Variants in TCERG1L observed in about 807,000 individuals in gnomAD.
TCERG1L encodes transcription elongation regulator 1 like, also known as transcription elongation regulator 1-like protein.
A neutral mutation model predicts 56.3 loss-of-function variants in TCERG1L; 37 were observed. The ratio of observed to expected loss-of-function variants is 0.66; its 90% CI spans 0.51 to 0.87. TCERG1L has a LOEUF of 0.87. Ranked by LOEUF, TCERG1L falls within the 40% of genes least tolerant of loss-of-function variation. The pLI, the probability that TCERG1L is intolerant of heterozygous loss-of-function variation, is 0.00. For synonymous variants in TCERG1L, 324 were observed against 326.3 expected (o/e 0.99, Z 0.08); for missense variants, 799 against 774.2 (o/e 1.03, Z -0.38).
chr10:131,300,903 G>T (rs916756977), intron 3 of TCERG1L, among the ~76,000 whole-genome samples: 1 of 152,020 alleles, frequency 6.6e-6, no homozygotes. Context: ...GTGTATTCAG[G>T]GGGTGGACCT....
At chr10:131,162,370 G>C (rs1166759084) in intron 6 of TCERG1L, 2 of 152,266 alleles carry the variant, frequency 1.3e-5, no homozygotes, top group African/African-American at 4.8e-5. Context: ...TTGGAGCCAA[G>C]TTCACCCGAA....
intron 3 of TCERG1L, among the ~76,000 whole-genome samples, chr10:131,269,438 C>T (rs1383679683): frequency 1.3e-5 from 2 of 152,176 alleles, no homozygotes. Context: ...CTGCCCGTCT[C>T]AACCTCCCAA....
chr10:131,093,067 C>T lies in TCERG1L; in HGVS notation c.*95G>A, dbSNP rs551191079. On this transcript the variant is annotated 3_prime_UTR_variant, in exon 12 of 12. Transcript: ENST00000368642. ...GGTGCCCGCTGGGCCGTGCAGGTCT[C>T]GGCCGCCCCACGCCCGTGTCCGTCT... 147 of 1,419,682 alleles carry T rather than the reference C, an allele frequency of 1.0e-4. No homozygotes were observed. In the South Asian group the frequency reaches 1.4e-3, roughly 13 times the overall value. The allele number at this position is 1,419,682 out of a possible 1,614,324, so 87.9% of individuals were successfully genotyped here.
chr10:131,308,374 G>A lies in TCERG1L; in HGVS notation c.507C>T (p.Ser169=). Residue 169 remains serine (S), a synonymous_variant, in exon 3 of 12, where the codon TCC becomes TCT. Coordinates refer to ENST00000368642, the MANE Select transcript of TCERG1L (RefSeq NM_174937.4). Reference sequence around the variant, plus strand: ...GTATCCACGTTGAGTCCAGAGCAAAGGAATTATTAAAAAAGATCTGTCGAA... The same window carrying A: ...GTATCCACGTTGAGTCCAGAGCAAAAGAATTATTAAAAAAGATCTGTCGAA... ...IPNCKIFFNN[S]FALDSTWIHP... is the part of the protein sequence containing the mutation. 3 of 1,612,656 alleles carry A rather than the reference G, an allele frequency of 1.9e-6. No homozygotes were observed. Among genetic ancestry groups the A allele is most frequent in the Non-Finnish European group, 2.5e-6 (3 of 1,179,442 alleles).
At chr10:131,304,552 G>A (rs112266567) in intron 3 of TCERG1L, among the ~76,000 whole-genome samples, 2,688 of 152,024 alleles carry the variant, frequency 0.018, 44 homozygotes, top group Non-Finnish European at 0.03. Flanking sequence ...CTGTGGGGCA[G>A]GTGGCCTCTC....
chr10:131,250,971 C>T (rs745496290), intron 4 of TCERG1L, among the ~76,000 whole-genome samples: 59 of 152,132 alleles, frequency 3.9e-4, no homozygotes, highest in Admixed American at 6.5e-5. Context: ...CACTGGGCTC[C>T]GCTTCCCACC....
chr10:131,278,639 A>C (rs1846419836), intron 3 of TCERG1L, among the ~76,000 whole-genome samples: 2 of 152,090 alleles, frequency 1.3e-5, no homozygotes, highest in South Asian at 4.1e-4. Flanking sequence ...CACCGCACCC[A>C]GCCCACATCG....
intron 3 of TCERG1L, among the ~76,000 whole-genome samples, chr10:131,302,017 G>A (rs1846766787): frequency 6.6e-6 from 1 of 152,084 alleles, no homozygotes; most frequent in African/African-American, 2.4e-5. Flanking sequence ...ATTTTAGACA[G>A]AGAATTTGAG....
At chr10:131,309,033 A>G (rs1846847246) in intron 2 of TCERG1L, 120 bp downstream of exon 2, 2 of 1,133,598 alleles carry the variant, frequency 1.8e-6, no homozygotes, top group Middle Eastern at 2.9e-4. Context: ...ATTTATTTCT[A>G]TACCTAGATG....
intron 4 of TCERG1L, among the ~76,000 whole-genome samples, chr10:131,169,148 T>C (rs997570185): frequency 6.6e-6 from 1 of 152,178 alleles, no homozygotes; most frequent in Admixed American, 6.5e-5. Context: ...TCAAGCAGCC[T>C]GGACACCGGG....
intron 4 of TCERG1L, among the ~76,000 whole-genome samples, chr10:131,230,610 C>G (rs11017828): frequency 0.43 from 65,298 of 152,084 alleles, 14,167 homozygotes; most frequent in East Asian, 0.52. Flanking sequence ...GCTAAGCCTC[C>G]GTGTGGATGT....
chr10:131,218,198 G>A (rs1387540873), intron 4 of TCERG1L, among the ~76,000 whole-genome samples: 1 of 152,282 alleles, frequency 6.6e-6, no homozygotes. Context: ...TTTTAATAGT[G>A]CATGGCTTCT....
intron 4 of TCERG1L, among the ~76,000 whole-genome samples, chr10:131,215,517 G>T (rs1176459844): frequency 6.6e-6 from 1 of 152,184 alleles, no homozygotes; most frequent in African/African-American, 2.4e-5. Context: ...AATCCAACCC[G>T]AGGAAACTCG....
chr10:131,193,499 T>A (rs1289030457), intron 4 of TCERG1L, among the ~76,000 whole-genome samples: 1 of 152,244 alleles, frequency 6.6e-6, no homozygotes, highest in Non-Finnish European at 1.5e-5. Context: ...AAGTCTTTTA[T>A]CCTTCTTGAG....
intron 4 of TCERG1L, among the ~76,000 whole-genome samples, chr10:131,203,580 C>T (rs551634096): frequency 1.3e-5 from 2 of 152,314 alleles, no homozygotes; most frequent in Non-Finnish European, 2.9e-5. Flanking sequence ...GAAGATGGTG[C>T]GTCTCTCCCA....
intron 3 of TCERG1L, among the ~76,000 whole-genome samples, chr10:131,300,804 T>C (rs939053707): frequency 1.3e-5 from 2 of 150,796 alleles, no homozygotes; most frequent in African/African-American, 2.5e-5. Context: ...GCATCATAAA[T>C]AGAACAATGA....
chr10:131,285,523 AGAGAG>A (rs1327314550), intron 3 of TCERG1L, among the ~76,000 whole-genome samples: 7 of 61,788 alleles, frequency 1.1e-4, no homozygotes, highest in Non-Finnish European at 2.4e-4. Context: ...AAAGAAAGAA[AGAGAG>A]AAAGAAAAGA....
intron 4 of TCERG1L, among the ~76,000 whole-genome samples, chr10:131,232,900 A>C (rs988498974): frequency 6.6e-6 from 1 of 152,224 alleles, no homozygotes; most frequent in Non-Finnish European, 1.5e-5. Context: ...CTGTTATCCC[A>C]CAGTCTTTGT....
intron 8 of TCERG1L, among the ~76,000 whole-genome samples, chr10:131,126,636 G>C (rs899407640): frequency 2.6e-5 from 4 of 152,190 alleles, no homozygotes; most frequent in African/African-American, 9.7e-5. Context: ...CGGCTGCCAG[G>C]CTTCCCCAGC....
Sources: gnomAD v4.1 joint callset for allele counts (sites outside exome capture counted in the v4.1 genomes callset) on GRCh38, gnomAD v4.1.1 for gene constraint, MANE v1.5 for transcripts, NCBI Gene and HGNC (gene_info 2026-07-23, HGNC 2026-07-21) for gene names.